Variants in SLC24A2 observed in about 807,000 individuals in gnomAD.
The protein encoded by SLC24A2 is solute carrier family 24 member 2, also known as sodium/potassium/calcium exchanger 2.
Under a neutral mutation model 62.0 loss-of-function variants are expected in SLC24A2, and 36 were observed. The observed-to-expected ratio is 0.58, with a 90% CI of 0.44 to 0.77. The LOEUF (loss-of-function observed/expected upper bound fraction) is 0.77. Ranked by LOEUF, SLC24A2 falls within the 30% of genes least tolerant of loss-of-function variation. The probability of loss-of-function intolerance (pLI) is 0.00; values close to 1 mark genes in which losing one functional copy is unlikely to be tolerated. For synonymous variants in SLC24A2, 358 were observed against 294.0 expected (o/e 1.22, Z -2.23); for missense variants, 846 against 817.9 (o/e 1.03, Z -0.42).
At chr9:19,527,320 A>G (rs567699982) in intron 9 of SLC24A2, among the ~76,000 whole-genome samples, 189 of 152,334 alleles carry the variant, frequency 1.2e-3, no homozygotes, top group African/African-American at 4.3e-3. Context: ...TAATCTTACC[A>G]ACTTTAAGCT....
At chr9:19,956,044 T>C in the SLC24A2 span, among the ~76,000 whole-genome samples, 1 of 152,258 alleles carries the variant, frequency 6.6e-6, no homozygotes, top group East Asian at 1.9e-4. Context: ...GGTACCACAT[T>C]AAGAACTGGC....
chr9:19,912,420 G>T, the SLC24A2 span, among the ~76,000 whole-genome samples: 1 of 152,128 alleles, frequency 6.6e-6, no homozygotes, highest in African/African-American at 2.4e-5. Context: ...TCAGGTATAG[G>T]TTGGAAATCA....
the SLC24A2 span, among the ~76,000 whole-genome samples, chr9:20,197,403 G>A: frequency 6.6e-6 from 1 of 150,538 alleles, no homozygotes; most frequent in South Asian, 2.1e-4. Flanking sequence ...CTGCTAATTG[G>A]GATGATGTAT....
chr9:19,563,130 G>A (rs912238078), intron 7 of SLC24A2, among the ~76,000 whole-genome samples: 4 of 151,828 alleles, frequency 2.6e-5, no homozygotes, highest in African/African-American at 9.7e-5. Context: ...TAAACAGTCT[G>A]ATGAAGAGTC....
At chr9:20,268,020 G>T in the SLC24A2 span, among the ~76,000 whole-genome samples, 191 of 152,144 alleles carry the variant, frequency 1.3e-3, 1 homozygote, top group Non-Finnish European at 1.6e-3. Flanking sequence ...TGCACTTCCT[G>T]CCCCACAGCC....
At chr9:19,932,298 A>G in the SLC24A2 span, among the ~76,000 whole-genome samples, 1 of 152,202 alleles carries the variant, frequency 6.6e-6, no homozygotes, top group Non-Finnish European at 1.5e-5. Flanking sequence ...ATTCCGGTAG[A>G]TATTTTTTAA....
chr9:20,117,248 A>G, the SLC24A2 span, among the ~76,000 whole-genome samples: 2 of 152,134 alleles, frequency 1.3e-5, no homozygotes, highest in Non-Finnish European at 2.9e-5. Context: ...CAAAATAAAG[A>G]AGTATGTTCT....
At chr9:19,610,879 T>A (rs1033329649) in intron 4 of SLC24A2, among the ~76,000 whole-genome samples, 2 of 152,242 alleles carry the variant, frequency 1.3e-5, no homozygotes, top group African/African-American at 4.8e-5. Flanking sequence ...TTAGCAAATA[T>A]GTACTGGGGC....
chr9:19,747,124 C>A (rs969722629), intron 2 of SLC24A2, among the ~76,000 whole-genome samples: 1 of 152,042 alleles, frequency 6.6e-6, no homozygotes, highest in East Asian at 1.9e-4. Context: ...AATCTACTAC[C>A]TGATTTATTC....
chr9:19,804,435 C>A, the SLC24A2 span, among the ~76,000 whole-genome samples: 1 of 151,870 alleles, frequency 6.6e-6, no homozygotes. Flanking sequence ...AATTGCTTTC[C>A]TAATTTCAGT....
At chr9:19,819,867 GGAAAA>G in the SLC24A2 span, among the ~76,000 whole-genome samples, 1 of 151,346 alleles carries the variant, frequency 6.6e-6, no homozygotes, top group Non-Finnish European at 1.5e-5. Context: ...TCTACCCAGA[GGAAAA>G]GAAGTCATTA....
rs1260251085 is a variant in SLC24A2 at position 19,509,403 on chromosome 9, C to G, written c.*6750G>C. 3 of 152,090 alleles carry G rather than the reference C, an allele frequency of 2.0e-5. No individual in the cohort carries two copies. Among genetic ancestry groups the G allele is most frequent in the African/African-American group, 7.2e-5 (3 of 41,434 alleles). 9.4% of individuals were successfully genotyped at this position (152,090 alleles called of 1,614,324 possible). A position where few individuals can be genotyped will look rare whatever the true frequency, so the allele number is the denominator to read the frequency against. Reference sequence around the variant, plus strand: ...AATAAAAAATAGAACAGATAAACTCCAATTTACAATAAACAATACAAAACA... The same window carrying G: ...AATAAAAAATAGAACAGATAAACTCGAATTTACAATAAACAATACAAAACA... On this transcript the variant is annotated 3_prime_UTR_variant, in exon 11 of 11. Coordinates refer to ENST00000341998, the MANE Select transcript of SLC24A2 (RefSeq NM_020344.4).
the SLC24A2 span, among the ~76,000 whole-genome samples, chr9:19,911,455 A>G: frequency 6.6e-6 from 1 of 152,110 alleles, no homozygotes; most frequent in East Asian, 1.9e-4. Flanking sequence ...CCTGGGTCAA[A>G]TGGTATTTCT....
chr9:20,164,190 C>A, the SLC24A2 span, among the ~76,000 whole-genome samples: 1 of 152,050 alleles, frequency 6.6e-6, no homozygotes, highest in African/African-American at 2.4e-5. Flanking sequence ...TCCGAGTGAA[C>A]AGGCAACCTA....
chr9:20,079,605 C>A, the SLC24A2 span, among the ~76,000 whole-genome samples: 3 of 152,152 alleles, frequency 2.0e-5, no homozygotes, highest in Non-Finnish European at 4.4e-5. Flanking sequence ...AATAATGGAA[C>A]AATGACAGCA....
the SLC24A2 span, among the ~76,000 whole-genome samples, chr9:20,150,510 G>A: frequency 6.7e-6 from 1 of 149,828 alleles, no homozygotes; most frequent in East Asian, 1.9e-4. Flanking sequence ...AAAGTAAACT[G>A]CTGGAATCTT....
chr9:20,019,829 G>A, the SLC24A2 span, among the ~76,000 whole-genome samples: 1 of 149,638 alleles, frequency 6.7e-6, no homozygotes, highest in Non-Finnish European at 1.5e-5. Flanking sequence ...CCATCTGACA[G>A]AGGACTAATA....
At chr9:19,602,350 C>G (rs1046826200) in intron 4 of SLC24A2, among the ~76,000 whole-genome samples, 4 of 152,166 alleles carry the variant, frequency 2.6e-5, no homozygotes, top group Admixed American at 6.5e-5. Context: ...TAATATGTCA[C>G]AAGTGACCAC....
At chr9:19,636,350 T>TTC (rs1818344021) in intron 2 of SLC24A2, among the ~76,000 whole-genome samples, 2 of 38,168 alleles carry the variant, frequency 5.2e-5, no homozygotes, top group Admixed American at 3.0e-4. Flanking sequence ...TTTCTTTCTT[T>TTC]CTTTCTTTCT....
Sources: gnomAD v4.1 joint callset for allele counts (sites outside exome capture counted in the v4.1 genomes callset) on GRCh38, gnomAD v4.1.1 for gene constraint, MANE v1.5 for transcripts, NCBI Gene and HGNC (gene_info 2026-07-23, HGNC 2026-07-21) for gene names.